The following TDRD10 variants were observed in gnomAD, a reference collection of about 807,000 sequenced individuals.
TDRD10 encodes tudor domain-containing protein 10.
Under a neutral mutation model 48.0 loss-of-function variants are expected in TDRD10, and 40 were observed. The ratio of observed to expected loss-of-function variants is 0.83; its 90% CI spans 0.65 to 1.09. TDRD10 has a LOEUF of 1.09. Ranked by LOEUF, TDRD10 falls within the 50% of genes least tolerant of loss-of-function variation. The pLI is 0.00. For missense variants in TDRD10, 378 were observed against 434.7 expected, an observed-to-expected ratio of 0.87 and a Z score of 1.16; for synonymous variants, 162 against 170.4, an observed-to-expected ratio of 0.95 and a Z score of 0.38.
intron 6 of TDRD10, among the ~76,000 whole-genome samples, chr1:154,533,072 G>T (rs989254490): frequency 6.6e-6 from 1 of 152,188 alleles, no homozygotes; most frequent in African/African-American, 2.4e-5. Flanking sequence ...GCAGGGTGGT[G>T]GTAGGGAGAG....
At chr1:154,522,872 T>C (rs1278974581) in intron 6 of TDRD10, among the ~76,000 whole-genome samples, 1 of 152,168 alleles carries the variant, frequency 6.6e-6, no homozygotes, top group African/African-American at 2.4e-5. Context: ...TTAGCATCCA[T>C]GTGGATGATT....
chr1:154,526,144 G>T (rs373966819), intron 6 of TDRD10, among the ~76,000 whole-genome samples: 1 of 147,016 alleles, frequency 6.8e-6, no homozygotes, highest in South Asian at 2.2e-4. Flanking sequence ...GGTGGAGGTT[G>T]CAGTGAGCCA....
At chr1:154,530,161 C>A (rs895830443) in intron 6 of TDRD10, among the ~76,000 whole-genome samples, 3 of 151,700 alleles carry the variant, frequency 2.0e-5, no homozygotes, top group Non-Finnish European at 4.4e-5. Flanking sequence ...ATTACAGGCA[C>A]CTACCACCAT....
At chr1:154,516,584 A>G (rs1011458772) in intron 4 of TDRD10, among the ~76,000 whole-genome samples, 2 of 152,202 alleles carry the variant, frequency 1.3e-5, no homozygotes, top group Admixed American at 6.5e-5. Context: ...TAGGAATGCC[A>G]TGAAGTACTG....
At chr1:154,532,356 C>T (rs1219832431) in intron 6 of TDRD10, among the ~76,000 whole-genome samples, 7 of 152,170 alleles carry the variant, frequency 4.6e-5, no homozygotes, top group Admixed American at 1.3e-4. Context: ...CCTCACTGCC[C>T]GGGGCCGCTC....
chr1:154,505,872 A>G lies in TDRD10; in HGVS notation c.-27-1005A>G, dbSNP rs1043212676. The stretch of plus-strand genomic sequence containing the variant: ...ATTGAGTTCTTGACACATGGCAAAT[A>G]CTTTAAGTGCGGTATCTCACTTCAC... On this transcript the variant is annotated intron_variant, in intron 1 of 12. Transcript: ENST00000368482. Among the ~76,000 whole-genome samples, 8 of 152,356 alleles carry G rather than the reference A, an allele frequency of 5.3e-5. No individual in the cohort carries two copies. The East Asian group carries it at 1.5e-3, about 29-fold the overall frequency.
At chr1:154,523,277 C>G (rs574135728) in intron 6 of TDRD10, among the ~76,000 whole-genome samples, 1 of 152,278 alleles carries the variant, frequency 6.6e-6, no homozygotes, top group East Asian at 1.9e-4. Flanking sequence ...AGCTGTATTT[C>G]AGACCTTGTG....
chr1:154,529,091 T>G (rs1694467317), intron 6 of TDRD10, among the ~76,000 whole-genome samples: 1 of 152,206 alleles, frequency 6.6e-6, no homozygotes, highest in African/African-American at 2.4e-5. Context: ...ATGTTGTTTT[T>G]TTTTTGAGAC....
At chr1:154,542,710 A>C (rs989834038) in intron 7 of TDRD10, 21 bp from the exon 8 acceptor site, 1 of 1,606,730 alleles carries the variant, frequency 6.2e-7, no homozygotes. Context: ...TGCCTCCAGG[A>C]CTTAGTCTTC....
At chr1:154,547,288 G>A in intron 11 of TDRD10, 121 bp from the exon 12 acceptor site, 1 of 921,162 alleles carries the variant, frequency 1.1e-6, no homozygotes. Flanking sequence ...GAGACTTGCT[G>A]GTTGGAGCTG....
chr1:154,530,593 A>G (rs2149337158), intron 6 of TDRD10, among the ~76,000 whole-genome samples: 1 of 151,892 alleles, frequency 6.6e-6, no homozygotes, highest in Admixed American at 6.6e-5. Flanking sequence ...TGTCATTCAA[A>G]TGGTTTTTCT....
At chr1:154,534,969 T>G (rs1429236852) in intron 6 of TDRD10, among the ~76,000 whole-genome samples, 1 of 152,058 alleles carries the variant, frequency 6.6e-6, no homozygotes, top group African/African-American at 2.4e-5. Flanking sequence ...AAAACCTACA[T>G]GAAGGCACTT....
At chr1:154,516,262 A>G (rs1205013367) in intron 4 of TDRD10, among the ~76,000 whole-genome samples, 1 of 152,160 alleles carries the variant, frequency 6.6e-6, no homozygotes, top group East Asian at 1.9e-4. Flanking sequence ...GTTATGTGTA[A>G]TAAGTATTAA....
intron 3 of TDRD10, among the ~76,000 whole-genome samples, chr1:154,507,653 C>T (rs1693221987): frequency 6.6e-6 from 1 of 152,208 alleles, no homozygotes; most frequent in South Asian, 2.1e-4. Context: ...AACCCGGTTA[C>T]AGCCCTCACC....
intron 6 of TDRD10, among the ~76,000 whole-genome samples, chr1:154,528,844 G>A (rs1012314255): frequency 4.6e-5 from 7 of 151,876 alleles, no homozygotes; most frequent in Non-Finnish European, 1.0e-4. Context: ...AAGATAAATA[G>A]AATTCCATTT....
rs1320729152 is a variant in TDRD10, at chr1:154,525,857, C to T, written c.369+4378C>T. Among the ~76,000 whole-genome samples the T allele has an allele frequency of 2.1e-5, 3 of 142,842 alleles. No individual in the cohort carries two copies. In the East Asian group the frequency reaches 6.2e-4, roughly 29 times the overall value. The allele number at this position is 142,842 out of a possible 152,430, so 93.7% of individuals were successfully genotyped here. On this transcript the variant is annotated intron_variant, in intron 6 of 12. Coordinates refer to ENST00000368482, the MANE Select transcript of TDRD10 (RefSeq NM_182499.4). ...GTTACAGTGAGCTGAGATTGTGCCA[C>T]TGCACTCCAGCCTGGGCAACAGAGC...
chr1:154,507,955 G>A (rs887330828), intron 3 of TDRD10, among the ~76,000 whole-genome samples: 9 of 152,060 alleles, frequency 5.9e-5, no homozygotes, highest in Non-Finnish European at 1.3e-4. Context: ...GTGTTAACTC[G>A]GGAAGCACAA....
intron 6 of TDRD10, among the ~76,000 whole-genome samples, chr1:154,522,686 A>G (rs1218818770): frequency 3.6e-5 from 2 of 56,042 alleles, no homozygotes; most frequent in Non-Finnish European, 9.7e-5. Context: ...CCCTTTGCTA[A>G]TTTCAAACTC....
intron 6 of TDRD10, among the ~76,000 whole-genome samples, chr1:154,540,806 A>C (rs757615068): frequency 2.0e-5 from 3 of 152,152 alleles, no homozygotes; most frequent in Non-Finnish European, 4.4e-5. Context: ...AAGTCCTGGG[A>C]TGTGCCAGTG....
Sources: allele counts gnomAD v4.1 joint callset (sites outside exome capture counted in the v4.1 genomes callset), GRCh38; gene constraint gnomAD v4.1.1; transcripts MANE v1.5; gene names NCBI Gene and HGNC (gene_info 2026-07-23, HGNC 2026-07-21).